The following ALPL variants were observed in gnomAD, a reference collection of about 807,000 sequenced individuals.
ALPL encodes alkaline phosphatase, biomineralization associated.
Under a neutral mutation model 51.3 loss-of-function variants are expected in ALPL, and 42 were observed. The ratio of observed to expected loss-of-function variants is 0.82; its 90% CI spans 0.64 to 1.06. The LOEUF is 1.06. Ranked by LOEUF, ALPL falls within the 50% of genes least tolerant of loss-of-function variation. The pLI is 0.00. For missense variants in ALPL, 589 were observed against 709.4 expected, an observed-to-expected ratio of 0.83 and a Z score of 1.93; for synonymous variants, 279 against 296.4, an observed-to-expected ratio of 0.94 and a Z score of 0.60.
At chr1:21,526,824 T>TA (rs1643949517) in intron 1 of ALPL, among the ~76,000 whole-genome samples, 1 of 152,184 alleles carries the variant, frequency 6.6e-6, no homozygotes, top group Non-Finnish European at 1.5e-5. Flanking sequence ...TTTATCACTT[T>TA]AAAAAATTAT....
At position 21,577,774 on chromosome 1, in the gene ALPL, A is replaced by G. The variant is rs1697406; in HGVS notation, c.*126A>G. 1,168,232 of 1,316,296 alleles carry G rather than the reference A, an allele frequency of 0.89. 519,021 individuals carry two copies. The highest frequency in any genetic ancestry group is 0.93 in the South Asian group (66,084 of 71,080). The allele number at this position is 1,316,296 out of a possible 1,614,324, so 81.5% of individuals were successfully genotyped here. A position where few individuals can be genotyped will look rare whatever the true frequency, so the allele number is the denominator to read the frequency against. On this transcript the variant is annotated 3_prime_UTR_variant, in exon 12 of 12. Transcript: ENST00000374840. Reference sequence around the variant, plus strand: ...CTGCAACTGCAAGAAAGGGGACCCAAGAAACCAAAGTCTGCCGCCCACCTC... The same window carrying G: ...CTGCAACTGCAAGAAAGGGGACCCAGGAAACCAAAGTCTGCCGCCCACCTC...
At chr1:21,573,116 C>T (rs761433919) in intron 8 of ALPL, among the ~76,000 whole-genome samples, 5 of 152,302 alleles carry the variant, frequency 3.3e-5, no homozygotes, top group East Asian at 1.9e-4. Context: ...GATCCCACCG[C>T]GCCATAGTGG....
In ALPL at chr1:21,573,741, G is replaced by C. The variant is rs1644686339; in HGVS notation, c.939G>C (p.Val313=). ...CGGACCCGTCACTCTCCGAGATGGTGGTGGTGGCCATCCAGATCCTGCGGA... is the reference window on the plus strand; with the variant it reads ...CGGACCCGTCACTCTCCGAGATGGTCGTGGTGGCCATCCAGATCCTGCGGA... ...NVTDPSLSEM[V]VVAIQILRKN... The change falls in exon 9 of 12, where the codon GTG becomes GTC. Residue 313 remains valine (V), a synonymous_variant. Coordinates refer to ENST00000374840, the MANE Select transcript of ALPL (RefSeq NM_000478.6). 1 of 1,614,074 alleles carries C rather than the reference G, an allele frequency of 6.2e-7. No individual in the cohort carries two copies. The highest frequency in any genetic ancestry group is 1.3e-5 in the African/African-American group (1 of 74,924).
At chr1:21,563,321 C>T (rs748811724) in intron 5 of ALPL, 37 bp downstream of exon 5, 13 of 1,588,532 alleles carry the variant, frequency 8.2e-6, no homozygotes, top group South Asian at 6.9e-5. Flanking sequence ...GGGCCAGCTT[C>T]GTGGCCTGTC....
At chr1:21,559,518 T>C (rs1570266374) in intron 2 of ALPL, among the ~76,000 whole-genome samples, 1 of 150,988 alleles carries the variant, frequency 6.6e-6, no homozygotes, top group Non-Finnish European at 1.5e-5. Context: ...CAGCTGGGGG[T>C]TTTTTGTTTG....
intron 1 of ALPL, among the ~76,000 whole-genome samples, chr1:21,528,894 A>AC (rs1168216041): frequency 9.2e-5 from 14 of 151,404 alleles, no homozygotes; most frequent in African/African-American, 2.9e-4. Context: ...ACATGGCGAA[A>AC]CCCCGTCTCT....
chr1:21,529,733 G>T (rs1177154336), intron 1 of ALPL, among the ~76,000 whole-genome samples: 1 of 151,886 alleles, frequency 6.6e-6, no homozygotes, highest in African/African-American at 2.4e-5. Context: ...CATTTCTTTT[G>T]CATGTTTCTC....
intron 4 of ALPL, among the ~76,000 whole-genome samples, chr1:21,561,932 G>A (rs141276685): frequency 0.034 from 5,132 of 152,160 alleles, 128 homozygotes; most frequent in Non-Finnish European, 0.051. Flanking sequence ...CTCCCAAAGT[G>A]CTAGGATTAC....
chr1:21,574,140 G>T, intron 9 of ALPL: 2 of 985,478 alleles, frequency 2.0e-6, no homozygotes, highest in Non-Finnish European at 2.4e-6. Context: ...AAATCCGCAG[G>T]CCCCGGCTTT....
intron 1 of ALPL, among the ~76,000 whole-genome samples, chr1:21,548,232 G>A (rs2148123724): frequency 6.6e-6 from 1 of 152,348 alleles, no homozygotes; most frequent in Non-Finnish European, 1.5e-5. Context: ...CCGCTTCCAG[G>A]GCTGCCACAG....
rs1397199441 is a variant in ALPL, at chr1:21,514,945, C to G, written c.-105+5428C>G. Among the ~76,000 whole-genome samples, 9 of 152,040 alleles carry G rather than the reference C, an allele frequency of 5.9e-5. No homozygotes were observed. The East Asian group carries it at 1.7e-3, about 29-fold the overall frequency. On this transcript the variant is annotated intron_variant, in intron 1 of 11. Transcript: ENST00000374840. Reference sequence around the variant, plus strand: ...GGTCTCTATGCCTCTCTGCTTTGACCCAGGGAAGGGAGGAGAGGACAGGCT... The same window carrying G: ...GGTCTCTATGCCTCTCTGCTTTGACGCAGGGAAGGGAGGAGAGGACAGGCT...
chr1:21,576,223 G>A (rs1370530800), intron 10 of ALPL, among the ~76,000 whole-genome samples: 1 of 141,240 alleles, frequency 7.1e-6, no homozygotes, highest in Admixed American at 7.0e-5. Flanking sequence ...ATGGATGATG[G>A]ATGGATGGAT....
intron 1 of ALPL, among the ~76,000 whole-genome samples, chr1:21,542,845 C>A (rs1286396206): frequency 6.6e-6 from 1 of 151,644 alleles, no homozygotes; most frequent in Non-Finnish European, 1.5e-5. Context: ...CCCCCCAATC[C>A]CCCCACCAAA....
At chr1:21,561,882 G>A (rs1432959712) in intron 4 of ALPL, among the ~76,000 whole-genome samples, 1 of 151,960 alleles carries the variant, frequency 6.6e-6, no homozygotes, top group African/African-American at 2.4e-5. Context: ...GGCCAGGCTG[G>A]TCTCGAACTC....
At chr1:21,510,353 T>G (rs1232131641) in intron 1 of ALPL, among the ~76,000 whole-genome samples, 3 of 152,144 alleles carry the variant, frequency 2.0e-5, no homozygotes, top group African/African-American at 7.2e-5. Context: ...TACAAAGGCC[T>G]CTGGGTGGAG....
intron 1 of ALPL, among the ~76,000 whole-genome samples, chr1:21,543,016 T>G (rs928560041): frequency 6.6e-6 from 1 of 151,838 alleles, no homozygotes; most frequent in Non-Finnish European, 1.5e-5. Flanking sequence ...TAACCAAATG[T>G]GGTAATGTGT....
At chr1:21,528,287 T>C (rs904432275) in intron 1 of ALPL, among the ~76,000 whole-genome samples, 1 of 151,414 alleles carries the variant, frequency 6.6e-6, no homozygotes, top group African/African-American at 2.4e-5. Context: ...CCCAAGGTGC[T>C]GAGATTTACA....
At chr1:21,538,630 T>C (rs762244651) in intron 1 of ALPL, among the ~76,000 whole-genome samples, 5 of 152,072 alleles carry the variant, frequency 3.3e-5, no homozygotes, top group Admixed American at 1.3e-4. Context: ...CATCCTCTGC[T>C]AGGGGGAGGG....
chr1:21,522,952 T>C lies in ALPL; in HGVS notation c.-105+13435T>C, dbSNP rs567791013. ...CAGCCCTAGGAGGTAGATATTATTG[T>C]CATTGTCCCCACTCACGGATGGGGA... is the stretch of plus-strand genomic sequence containing the variant. On this transcript the variant is annotated intron_variant, in intron 1 of 11. Transcript: ENST00000374840. Among the ~76,000 whole-genome samples the C allele has an allele frequency of 1.7e-3, 262 of 152,274 alleles. 3 individuals carry two copies. The highest frequency in any genetic ancestry group is 5.9e-3 in the African/African-American group (246 of 41,558).
Sources: gnomAD v4.1 joint callset for allele counts (sites outside exome capture counted in the v4.1 genomes callset) on GRCh38, gnomAD v4.1.1 for gene constraint, MANE v1.5 for transcripts, NCBI Gene and HGNC (gene_info 2026-07-23, HGNC 2026-07-21) for gene names.